Variants in ROCK2 observed in about 807,000 individuals in gnomAD.
ROCK2 encodes the protein rho-associated protein kinase 2.
ROCK2 carries 61 observed loss-of-function variants against 195.1 expected under a neutral mutation model. The observed-to-expected ratio is 0.31, with a 90% CI of 0.25 to 0.39. ROCK2 has a LOEUF of 0.39. ROCK2 is among the 10% of genes least tolerant of loss of function. The probability of loss-of-function intolerance (pLI) is 1.00; values close to 1 mark genes in which losing one functional copy is unlikely to be tolerated. For missense variants in ROCK2, 1,109 were observed against 1,637.4 expected (o/e 0.68, Z 5.57); for synonymous variants, 504 against 545.5 (o/e 0.92, Z 1.06).
chr2:11,207,555 C>T (rs1295066774), intron 20 of ROCK2, among the ~76,000 whole-genome samples, 171 bp downstream of exon 20: 6 of 152,010 alleles, frequency 3.9e-5, no homozygotes, highest in Admixed American at 3.3e-4. Flanking sequence ...GTTGGGGAAA[C>T]GAATATAATC....
rs764695414 is a variant in ROCK2, at chr2:11,193,876, A to G, written c.3609-19T>C. The G allele has an allele frequency of 4.3e-6, 6 of 1,406,006 alleles. No individual in the cohort carries two copies. Among genetic ancestry groups the G allele is most frequent in the Non-Finnish European group, 6.0e-6 (6 of 1,000,562 alleles). The allele number at this position is 1,406,006 out of a possible 1,614,324, so 87.1% of individuals were successfully genotyped here. A position where few individuals can be genotyped will look rare whatever the true frequency, so the allele number is the denominator to read the frequency against. On this transcript the variant is annotated intron_variant, in intron 29 of 32. Transcript: ENST00000315872. ...TAACTTGCTATAAAAAATTTTGAATAAAGGAATAAAATATCACCCAAGGAT... is the reference window on the plus strand; with the variant it reads ...TAACTTGCTATAAAAAATTTTGAATGAAGGAATAAAATATCACCCAAGGAT...
intron 1 of ROCK2, among the ~76,000 whole-genome samples, chr2:11,304,213 T>A (rs1667788506): frequency 6.6e-6 from 1 of 152,236 alleles, no homozygotes; most frequent in Non-Finnish European, 1.5e-5. Context: ...TTGCTATTCA[T>A]CAGCTTTTTC....
At chr2:11,199,496 T>A (rs1187511065) in intron 23 of ROCK2, among the ~76,000 whole-genome samples, 12 of 135,200 alleles carry the variant, frequency 8.9e-5, no homozygotes. Flanking sequence ...TAAAAAAAAT[T>A]TTTTTTTTTT....
chr2:11,286,770 T>C (rs1572363328), intron 2 of ROCK2, 131 bp from the exon 3 acceptor site: 1 of 543,928 alleles, frequency 1.8e-6, no homozygotes, highest in Non-Finnish European at 3.1e-6. Flanking sequence ...TTAAAGGCTG[T>C]TAGTTAAAAA....
At chr2:11,229,369 C>T (rs1444383466) in intron 5 of ROCK2, among the ~76,000 whole-genome samples, 1 of 151,598 alleles carries the variant, frequency 6.6e-6, no homozygotes, top group Non-Finnish European at 1.5e-5. Context: ...AGTCTCTAAC[C>T]CTGTTTAAAT....
At chr2:11,283,567 C>CAAA (rs1456842952) in intron 3 of ROCK2, among the ~76,000 whole-genome samples, 9 of 55,284 alleles carry the variant, frequency 1.6e-4, no homozygotes, top group East Asian at 1.0e-3. Context: ...GACTCCGTCT[C>CAAA]AAAAAAAAAA....
At chr2:11,204,807 C>G (rs984236508) in intron 20 of ROCK2, among the ~76,000 whole-genome samples, 23 of 152,128 alleles carry the variant, frequency 1.5e-4, no homozygotes, top group Non-Finnish European at 4.4e-5. Flanking sequence ...TACTAATTAC[C>G]AGTAGCTTTT....
At chr2:11,317,603 TATATATA>T (rs1388845077) in intron 1 of ROCK2, among the ~76,000 whole-genome samples, 224 of 20,918 alleles carry the variant, frequency 0.011, 21 homozygotes, top group Non-Finnish European at 0.012. Context: ...TATATATATA[TATATATA>T]TATTTTTTTT....
intron 1 of ROCK2, among the ~76,000 whole-genome samples, chr2:11,330,388 A>G (rs1011104619): frequency 5.3e-5 from 8 of 152,218 alleles, no homozygotes; most frequent in African/African-American, 1.4e-4. Flanking sequence ...CCCACAAACT[A>G]TAACTCTAAA....
intron 1 of ROCK2, among the ~76,000 whole-genome samples, chr2:11,300,566 CA>C (rs1453041167): frequency 6.6e-6 from 1 of 152,112 alleles, no homozygotes; most frequent in Admixed American, 6.5e-5. Context: ...ACCCGGCCAA[CA>C]ACTATGGTTT....
intron 4 of ROCK2, among the ~76,000 whole-genome samples, chr2:11,248,708 CAAAAAAAAAAAAAAAAAAA>C (rs70953372): frequency 2.2e-5 from 1 of 45,412 alleles, no homozygotes; most frequent in Non-Finnish European, 3.4e-5. Flanking sequence ...GACTTCATCT[CAAAAAAAAAAAAAAAAAAA>C]AAAAAAAAAA....
intron 10 of ROCK2, 59 bp downstream of exon 10, chr2:11,218,907 T>C (rs778263311): frequency 6.0e-5 from 59 of 987,964 alleles, no homozygotes; most frequent in Non-Finnish European, 8.6e-5. Flanking sequence ...AACATGGGGA[T>C]TACTAAAATA....
At chr2:11,264,911 T>A (rs547175072) in intron 3 of ROCK2, among the ~76,000 whole-genome samples, 8 of 152,192 alleles carry the variant, frequency 5.3e-5, no homozygotes, top group Admixed American at 1.3e-4. Context: ...GAAGTCTATA[T>A]TTATTGACAT....
chr2:11,248,026 G>GA (rs962804069), intron 4 of ROCK2, among the ~76,000 whole-genome samples: 16 of 145,514 alleles, frequency 1.1e-4, no homozygotes, highest in Non-Finnish European at 1.4e-4. Flanking sequence ...CGTCTCAAGG[G>GA]AAAAAAAAAA....
At chr2:11,227,425 A>G (rs1284379571) in intron 5 of ROCK2, 27 bp from the exon 6 acceptor site, 2 of 1,593,626 alleles carry the variant, frequency 1.3e-6, no homozygotes, top group South Asian at 1.1e-5. Context: ...GATAAAGAAA[A>G]AACAGTTCAG....
chr2:11,233,397 G>A (rs1665090846), intron 5 of ROCK2, among the ~76,000 whole-genome samples: 1 of 152,172 alleles, frequency 6.6e-6, no homozygotes, highest in Admixed American at 6.5e-5. Flanking sequence ...GATCTCTCAT[G>A]TACTAGTAGT....
intron 32 of ROCK2, among the ~76,000 whole-genome samples, chr2:11,187,637 C>T (rs1024945572): frequency 1.3e-5 from 2 of 152,076 alleles, no homozygotes; most frequent in African/African-American, 4.8e-5. Flanking sequence ...AAGAACTTTT[C>T]GTATGTGAAG....
chr2:11,288,562 T>C (rs1437838695), intron 1 of ROCK2, among the ~76,000 whole-genome samples: 1 of 152,186 alleles, frequency 6.6e-6, no homozygotes, highest in African/African-American at 2.4e-5. Flanking sequence ...GAAATGACAG[T>C]AGCAGCATAC....
Position 11,198,662 on chromosome 2 carries a change from A to C in ROCK2, c.3004+19T>G. On this transcript the variant is annotated intron_variant, in intron 24 of 32. Coordinates refer to ENST00000315872, the MANE Select transcript of ROCK2 (RefSeq NM_004850.5). ...AACATTAGGTATATTAAAAATAAAC[A>C]TTTTTTGTTAATACATACGCTCTTG... 1 of 1,580,738 alleles carries C rather than the reference A, an allele frequency of 6.3e-7. No individual in the cohort carries two copies. The highest frequency in any genetic ancestry group is 8.6e-7 in the Non-Finnish European group (1 of 1,156,778).
Sources: gnomAD v4.1 joint callset for allele counts (sites outside exome capture counted in the v4.1 genomes callset) on GRCh38, gnomAD v4.1.1 for gene constraint, MANE v1.5 for transcripts, NCBI Gene and HGNC (gene_info 2026-07-23, HGNC 2026-07-21) for gene names.